ADGRL3: variants seen among roughly 807,000 people sequenced by gnomAD.
ADGRL3 encodes calcium-independent alpha-latrotoxin receptor 3.
Under a neutral mutation model 153.5 loss-of-function variants are expected in ADGRL3, and 62 were observed. That is an observed-to-expected ratio of 0.40 (90% CI 0.33 to 0.50). The LOEUF is 0.50. ADGRL3 is among the 20% of genes least tolerant of loss of function. The pLI is 0.47. For missense variants in ADGRL3, 1,641 were observed against 1,859.4 expected (o/e 0.88, Z 2.16); for synonymous variants, 710 against 672.5 (o/e 1.06, Z -0.86).
intron 1 of ADGRL3, among the ~76,000 whole-genome samples, chr4:61,223,280 G>A (rs564399645): frequency 1.1e-4 from 16 of 152,268 alleles, no homozygotes; most frequent in African/African-American, 3.1e-4. Flanking sequence ...GAAATGATAC[G>A]TATAGTTTTA....
At chr4:61,459,200 C>T (rs936276215) in intron 2 of ADGRL3, among the ~76,000 whole-genome samples, 1 of 151,560 alleles carries the variant, frequency 6.6e-6, no homozygotes, top group Non-Finnish European at 1.5e-5. Flanking sequence ...ATTTAATTGA[C>T]AAATATTTCA....
chr4:61,769,545 A>G (rs892639547), intron 8 of ADGRL3, among the ~76,000 whole-genome samples: 2 of 151,976 alleles, frequency 1.3e-5, no homozygotes, highest in Admixed American at 1.3e-4. Context: ...ACCAAATTTC[A>G]TGCGCGTCCA....
At chr4:61,809,767 G>A (rs949550391) in intron 8 of ADGRL3, among the ~76,000 whole-genome samples, 1 of 151,148 alleles carries the variant, frequency 6.6e-6, no homozygotes, top group Non-Finnish European at 1.5e-5. Context: ...ACCGAGAAAG[G>A]CACCTGTGCC....
At chr4:61,916,878 G>A (rs571075966) in intron 13 of ADGRL3, among the ~76,000 whole-genome samples, 6 of 152,010 alleles carry the variant, frequency 3.9e-5, no homozygotes, top group Non-Finnish European at 5.9e-5. Context: ...GCTTAAACCC[G>A]GGAGGTGGAG....
At chr4:61,814,614 A>G (rs2097667327) in intron 9 of ADGRL3, among the ~76,000 whole-genome samples, 1 of 152,166 alleles carries the variant, frequency 6.6e-6, no homozygotes, top group East Asian at 1.9e-4. Context: ...GTAATGCAGT[A>G]TATTTTCTTA....
At chr4:61,766,447 G>A (rs2096981514) in intron 8 of ADGRL3, among the ~76,000 whole-genome samples, 1 of 150,978 alleles carries the variant, frequency 6.6e-6, no homozygotes, top group Non-Finnish European at 1.5e-5. Flanking sequence ...AAGGCTACAG[G>A]GTGTGGTCCT....
At chr4:61,726,474 C>T (rs926578949) in intron 6 of ADGRL3, among the ~76,000 whole-genome samples, 1 of 152,076 alleles carries the variant, frequency 6.6e-6, no homozygotes, top group African/African-American at 2.4e-5. Flanking sequence ...GCTGGGATTA[C>T]AGGCGTGAGC....
intron 1 of ADGRL3, among the ~76,000 whole-genome samples, chr4:61,364,928 C>G (rs962898330): frequency 6.6e-6 from 1 of 152,104 alleles, no homozygotes; most frequent in African/African-American, 2.4e-5. Flanking sequence ...AATAATAATT[C>G]AGTGCTCATA....
chr4:61,767,575 CAAG>C (rs1289209217), intron 8 of ADGRL3, among the ~76,000 whole-genome samples: 1 of 151,914 alleles, frequency 6.6e-6, no homozygotes, highest in Non-Finnish European at 1.5e-5. Flanking sequence ...GCCGGTAAGC[CAAG>C]AAGGAGTCAG....
chr4:61,889,642 G>A (rs1393292251), intron 9 of ADGRL3, among the ~76,000 whole-genome samples: 1 of 152,146 alleles, frequency 6.6e-6, no homozygotes, highest in Non-Finnish European at 1.5e-5. Flanking sequence ...GTTAAATTAT[G>A]TTTGGTTTCA....
intron 19 of ADGRL3, among the ~76,000 whole-genome samples, chr4:61,994,973 C>T (rs1450963662): frequency 2.0e-5 from 3 of 151,190 alleles, no homozygotes; most frequent in Admixed American, 6.6e-5. Context: ...AGCACAGTGC[C>T]GTGATTTCAG....
intron 1 of ADGRL3, among the ~76,000 whole-genome samples, chr4:61,336,359 C>A (rs1673548860): frequency 6.6e-6 from 1 of 152,076 alleles, no homozygotes; most frequent in South Asian, 2.1e-4. Flanking sequence ...TGGTTGTTAT[C>A]CACACTCCAT....
rs547226803 is a variant in ADGRL3 at position 61,570,829 on chromosome 4, A to G, written c.260-16398A>G. Among the ~76,000 whole-genome samples, 5 of 152,180 alleles carry G rather than the reference A, an allele frequency of 3.3e-5. No homozygotes were observed. The East Asian group carries it at 9.7e-4, about 29-fold the overall frequency. ...CATATTCTCCCAGGTCATTTGCATT[A>G]TTTCTTGTCTTGTGTCTGTAGCTAT... On this transcript the variant is annotated intron_variant, in intron 4 of 26. Transcript: ENST00000683033.
chr4:61,239,430 C>T (rs1378503687), intron 1 of ADGRL3, among the ~76,000 whole-genome samples: 1 of 152,080 alleles, frequency 6.6e-6, no homozygotes, highest in Non-Finnish European at 1.5e-5. Flanking sequence ...ATATAGAATT[C>T]CCCCTCCCCA....
At chr4:61,299,330 G>A (rs2094509734) in intron 1 of ADGRL3, among the ~76,000 whole-genome samples, 1 of 151,998 alleles carries the variant, frequency 6.6e-6, no homozygotes, top group Non-Finnish European at 1.5e-5. Context: ...TTTAACATCA[G>A]GTTCTCGTTA....
chr4:61,330,847 C>A (rs2095558163), intron 1 of ADGRL3, among the ~76,000 whole-genome samples: 1 of 152,112 alleles, frequency 6.6e-6, no homozygotes, highest in African/African-American at 2.4e-5. Context: ...TGCATTTTTA[C>A]AGAGTGCTGA....
At chr4:61,802,941 T>G (rs2097516156) in intron 8 of ADGRL3, among the ~76,000 whole-genome samples, 1 of 152,064 alleles carries the variant, frequency 6.6e-6, no homozygotes, top group South Asian at 2.1e-4. Flanking sequence ...TAATCCCACA[T>G]GAGGCAAGCT....
chr4:61,307,525 G>A (rs1202388640), intron 1 of ADGRL3, among the ~76,000 whole-genome samples: 2 of 151,972 alleles, frequency 1.3e-5, no homozygotes, highest in African/African-American at 2.4e-5. Flanking sequence ...ATATTTTACT[G>A]TTGTAAAGTA....
chr4:61,337,916 A>T (rs944619282), intron 1 of ADGRL3, among the ~76,000 whole-genome samples: 1 of 152,138 alleles, frequency 6.6e-6, no homozygotes, highest in Non-Finnish European at 1.5e-5. Flanking sequence ...AGTCCTTGTT[A>T]TATCATAATC....
Sources: gnomAD v4.1 joint callset for allele counts (sites outside exome capture counted in the v4.1 genomes callset) on GRCh38, gnomAD v4.1.1 for gene constraint, MANE v1.5 for transcripts, NCBI Gene and HGNC (gene_info 2026-07-23, HGNC 2026-07-21) for gene names.